Variants in CHMP5 observed in about 807,000 individuals in gnomAD.
CHMP5 encodes the protein SNF7 domain containing 2.
CHMP5 carries 17 observed loss-of-function variants against 33.0 expected under a neutral mutation model. The ratio of observed to expected loss-of-function variants is 0.52; its 90% confidence interval spans 0.35 to 0.77. The LOEUF is 0.77. CHMP5 is among the 30% of genes least tolerant of loss of function. CHMP5 has a pLI of 0.01. For synonymous variants in CHMP5, 76 were observed against 90.2 expected, an observed-to-expected ratio of 0.84 and a Z score of 0.89; for missense variants, 216 against 261.5, an observed-to-expected ratio of 0.83 and a Z score of 1.20.
intron 7 of CHMP5, among the ~76,000 whole-genome samples, chr9:33,280,418 GCTC>G (rs1820908560): frequency 1.3e-5 from 2 of 152,226 alleles, no homozygotes; most frequent in Admixed American, 1.3e-4. Flanking sequence ...CACGGGCACT[GCTC>G]CTTCAAGGAT....
At chr9:33,271,257 A>C (rs1178811837) in intron 5 of CHMP5, 34 bp downstream of exon 5, 2 of 1,552,806 alleles carry the variant, frequency 1.3e-6, no homozygotes, top group Admixed American at 3.3e-5. Context: ...AAGAATGTGC[A>C]CTAGTTTCTG....
intron 5 of CHMP5, among the ~76,000 whole-genome samples, chr9:33,272,615 T>G (rs1181960362): frequency 1.3e-5 from 2 of 151,962 alleles, no homozygotes; most frequent in African/African-American, 4.8e-5. Context: ...CCATCCTGGC[T>G]AACACGGTGA....
chr9:33,265,926 C>T, intron 1 of CHMP5, 84 bp from the exon 2 acceptor site: 10 of 806,970 alleles, frequency 1.2e-5, no homozygotes, highest in Non-Finnish European at 2.0e-5. Context: ...TCTTTTCTTC[C>T]TCTGTATTCC....
chr9:33,265,218 G>A (rs1332388974), intron 1 of CHMP5, 71 bp downstream of exon 1: 15 of 1,155,946 alleles, frequency 1.3e-5, no homozygotes, highest in Middle Eastern at 2.4e-4. Context: ...CCCCAGCCCC[G>A]GGCCCATATT....
chr9:33,265,166 A>G lies in CHMP5; in HGVS notation c.69+19A>G. 6.2e-7 allele frequency: 1 copy of G among 1,613,490 alleles called. No homozygotes were observed. On this transcript the variant is annotated intron_variant, in intron 1 of 7. Coordinates refer to ENST00000223500, the MANE Select transcript of CHMP5 (RefSeq NM_016410.6). ...TGGCACGGTGGGCATTTGATCATGC[A>G]TAAGTAGGCTCAGGACCTCTGACAC...
intron 4 of CHMP5, 95 bp downstream of exon 4, chr9:33,270,811 G>C: frequency 9.7e-7 from 1 of 1,028,144 alleles, no homozygotes; most frequent in Admixed American, 1.9e-5. Context: ...GCCAGGCACA[G>C]TGGCTCACGC....
intron 7 of CHMP5, 28 bp from the exon 8 acceptor site, chr9:33,280,781 G>T (rs1353135951): frequency 6.4e-7 from 1 of 1,563,724 alleles, no homozygotes; most frequent in African/African-American, 1.4e-5. Flanking sequence ...GAAAAATAGT[G>T]GCACTAAACA....
rs1820718651 is a variant in CHMP5, at chr9:33,266,118, A to T, written c.174+4A>T. ...GATGAGAGAGGGTCCTGCAAAGGTA[A>T]GGTGGGCAGCAACTGCTGCACAAGG... On this transcript the variant is annotated splice_donor_region_variant and intron_variant, in intron 2 of 7. Coordinates refer to ENST00000223500, the MANE Select transcript of CHMP5 (RefSeq NM_016410.6). The T allele has an allele frequency of 3.8e-6, 6 of 1,596,848 alleles. No individual in the cohort carries two copies. The South Asian group carries it at 5.5e-5, about 15-fold the overall frequency.
Position 33,267,840 on chromosome 9 carries a change from T to C in CHMP5, c.175-13T>C. 6.3e-7 allele frequency: 1 copy of C among 1,599,424 alleles called. No homozygotes were observed. Among genetic ancestry groups the C allele is most frequent in the Non-Finnish European group, 8.6e-7 (1 of 1,167,272 alleles). ...TTCCACCTTATTTTTATTAAATCTG[T>C]TTTTCTCTCCAGAATATGGTCAAGC... On this transcript the variant is annotated splice_polypyrimidine_tract_variant and intron_variant, in intron 2 of 7. Transcript: ENST00000223500.
At position 33,265,897 on chromosome 9, in the gene CHMP5, AC is replaced by A. The variant is rs1820712873; in HGVS notation, c.70-110del. 4.9e-6 allele frequency: 3 copies of A among 606,100 alleles called. No homozygotes were observed. The South Asian group carries it at 6.0e-5, about 12-fold the overall frequency. 37.5% of individuals were successfully genotyped at this position (606,100 alleles called of 1,614,324 possible). On this transcript the variant is annotated intron_variant, in intron 1 of 7. Transcript: ENST00000223500. The stretch of plus-strand genomic sequence containing the variant: ...CCTTCTTTGTGAACCACTGTTTTTC[AC>A]CCTTCCCCTTAAGCTCCTCTTTTCT...
chr9:33,271,917 C>G (rs1820798700), intron 5 of CHMP5, among the ~76,000 whole-genome samples: 1 of 152,110 alleles, frequency 6.6e-6, no homozygotes, highest in Admixed American at 6.5e-5. Context: ...GTTGCCTATT[C>G]CCAGGATTGT....
intron 3 of CHMP5, 61 bp downstream of exon 3, chr9:33,267,960 A>G: frequency 1.8e-6 from 2 of 1,138,962 alleles, no homozygotes; most frequent in East Asian, 2.4e-5. Context: ...ATGGTCTTCC[A>G]TTCCTTCAGG....
Position 33,278,196 on chromosome 9 carries a change from G to A in CHMP5, c.580G>A (p.Glu194Lys). 1 of 1,612,014 alleles carries A rather than the reference G, an allele frequency of 6.2e-7. No homozygotes were observed. Among genetic ancestry groups the A allele is most frequent in the East Asian group, 2.2e-5 (1 of 44,874 alleles). The change falls in exon 7 of 8, where the codon GAA becomes AAA. Residue 194 changes from glutamate to lysine, a missense_variant. By Grantham distance (56) the Glu-to-Lys change is moderately conservative. Coordinates refer to ENST00000223500, the MANE Select transcript of CHMP5 (RefSeq NM_016410.6). Reference protein sequence around the residue: ...DEAASAPAIPEGVPTDTKNKD... With the variant: ...DEAASAPAIPKGVPTDTKNKD... ...GGCAGCATCTGCACCTGCAATTCCA[G>A]AAGGTGTTCCCACTGATACAAAAAA...
At chr9:33,278,313 A>C in intron 7 of CHMP5, 88 bp downstream of exon 7, 1 of 802,448 alleles carries the variant, frequency 1.2e-6, no homozygotes, top group South Asian at 1.6e-5. Context: ...AGGTAGTCTT[A>C]ACATTAGAAC....
intron 5 of CHMP5, among the ~76,000 whole-genome samples, chr9:33,274,509 C>T (rs528040803): frequency 1.3e-5 from 2 of 152,072 alleles, no homozygotes; most frequent in Admixed American, 6.5e-5. Flanking sequence ...ATTGTTGTTC[C>T]GCACATAATT....
At chr9:33,273,272 A>AT (rs11294477) in intron 5 of CHMP5, among the ~76,000 whole-genome samples, 7,312 of 147,146 alleles carry the variant, frequency 0.05, 201 homozygotes, top group Non-Finnish European at 0.061. Context: ...ACTCCCAGCC[A>AT]TTTTTTTTTT....
chr9:33,280,762 T>A lies in CHMP5; in HGVS notation c.610-47T>A, dbSNP rs79515112. On this transcript the variant is annotated intron_variant, in intron 7 of 7. Coordinates refer to ENST00000223500, the MANE Select transcript of CHMP5 (RefSeq NM_016410.6). ...AAATGTTTGTAATCCTTTTTTTTTTTATCAAATAGAAAAATAGTGGCACTA... is the reference window on the plus strand; with the variant it reads ...AAATGTTTGTAATCCTTTTTTTTTTAATCAAATAGAAAAATAGTGGCACTA... 9.5e-4 allele frequency: 1,415 copies of A among 1,491,810 alleles called. 3 individuals carry two copies. Among genetic ancestry groups the A allele is most frequent in the Middle Eastern group, 5.6e-3 (32 of 5,694 alleles). 92.4% of individuals were successfully genotyped at this position (1,491,810 alleles called of 1,614,324 possible).
intron 6 of CHMP5, 107 bp from the exon 7 acceptor site, chr9:33,278,006 T>C (rs1663987853): frequency 2.9e-6 from 2 of 683,512 alleles, no homozygotes; most frequent in Admixed American, 2.3e-5. Context: ...AACAATCTCA[T>C]GCCCTCTTCA....
intron 3 of CHMP5, among the ~76,000 whole-genome samples, chr9:33,268,515 C>T (rs1820755480): frequency 1.3e-5 from 2 of 152,106 alleles, no homozygotes; most frequent in Admixed American, 6.6e-5. Flanking sequence ...AATTAGCTAT[C>T]GAGGAGCCAG....
Sources: gnomAD v4.1 joint callset for allele counts (sites outside exome capture counted in the v4.1 genomes callset) on GRCh38, gnomAD v4.1.1 for gene constraint, MANE v1.5 for transcripts, NCBI Gene and HGNC (gene_info 2026-07-23, HGNC 2026-07-21) for gene names.